RGS7: variants seen among roughly 807,000 people sequenced by gnomAD.
RGS7 encodes the protein regulator of G-protein signaling 7.
RGS7 carries 27 observed loss-of-function variants against 81.1 expected under a neutral mutation model. The observed-to-expected ratio is 0.33, with a 90% CI of 0.25 to 0.46. The LOEUF (loss-of-function observed/expected upper bound fraction) is 0.46. RGS7 is among the 20% of genes least tolerant of loss of function. The pLI, the probability that RGS7 is intolerant of heterozygous loss-of-function variation, is 1.00. For missense variants in RGS7, 396 were observed against 607.4 expected, an observed-to-expected ratio of 0.65 and a Z score of 3.66; for synonymous variants, 208 against 207.7, an observed-to-expected ratio of 1.00 and a Z score of -0.01.
intron 2 of RGS7, among the ~76,000 whole-genome samples, chr1:241,298,974 G>C (rs1325241280): frequency 6.6e-6 from 1 of 152,164 alleles, no homozygotes; most frequent in East Asian, 1.9e-4. Flanking sequence ...TGCTATGTCT[G>C]GAAACACATG....
chr1:240,897,390 C>T (rs12747032), intron 6 of RGS7, among the ~76,000 whole-genome samples: 19,441 of 152,156 alleles, frequency 0.13, 1,353 homozygotes, highest in Middle Eastern at 0.18. Flanking sequence ...CCAGTTTTTG[C>T]CCATTCAGTA....
chr1:240,807,935 T>G (rs1458623717), intron 14 of RGS7, among the ~76,000 whole-genome samples: 1 of 149,436 alleles, frequency 6.7e-6, no homozygotes, highest in African/African-American at 2.5e-5. Flanking sequence ...CTCGGGAGGC[T>G]GAGGCACGAG....
intron 3 of RGS7, among the ~76,000 whole-genome samples, chr1:241,092,719 C>T (rs917979388): frequency 1.3e-5 from 2 of 152,164 alleles, no homozygotes; most frequent in African/African-American, 4.8e-5. Flanking sequence ...GGGCAGATTC[C>T]GGGCAAAACC....
At chr1:241,234,617 A>G (rs1244347414) in intron 2 of RGS7, among the ~76,000 whole-genome samples, 2 of 151,938 alleles carry the variant, frequency 1.3e-5, no homozygotes, top group African/African-American at 4.8e-5. Flanking sequence ...ATAGGAGGGG[A>G]GCCTGGGTCT....
At chr1:241,029,768 C>T (rs914637474) in intron 3 of RGS7, among the ~76,000 whole-genome samples, 18 of 152,162 alleles carry the variant, frequency 1.2e-4, no homozygotes, top group Non-Finnish European at 2.4e-4. Context: ...CATCAGTACA[C>T]AAATATACAA....
chr1:240,945,727 A>G (rs1463852691), intron 4 of RGS7, among the ~76,000 whole-genome samples: 1 of 152,224 alleles, frequency 6.6e-6, no homozygotes, highest in African/African-American at 2.4e-5. Context: ...AAATGCTTGA[A>G]TTGAGAAAAG....
intron 6 of RGS7, among the ~76,000 whole-genome samples, chr1:240,922,591 G>A (rs1407687330): frequency 2.0e-5 from 3 of 151,962 alleles, no homozygotes; most frequent in Admixed American, 6.6e-5. Flanking sequence ...CAAAGAAGAC[G>A]AACACTTGGC....
chr1:240,915,655 A>G (rs538907896), intron 6 of RGS7, among the ~76,000 whole-genome samples: 2 of 152,308 alleles, frequency 1.3e-5, no homozygotes, highest in South Asian at 4.1e-4. Context: ...TGTATGCCTC[A>G]TTTATTTAGT....
chr1:240,925,151 G>A (rs1353974578), intron 6 of RGS7, among the ~76,000 whole-genome samples: 3 of 151,838 alleles, frequency 2.0e-5, no homozygotes, highest in Non-Finnish European at 4.4e-5. Flanking sequence ...AGATTCAGGG[G>A]GTACATGTGC....
intron 2 of RGS7, among the ~76,000 whole-genome samples, chr1:241,282,891 T>G (rs2148408511): frequency 6.6e-6 from 1 of 152,330 alleles, no homozygotes; most frequent in Admixed American, 6.5e-5. Flanking sequence ...GTGTATAAAA[T>G]TTCATTTTCC....
At chr1:241,064,449 A>G (rs986326102) in intron 3 of RGS7, among the ~76,000 whole-genome samples, 2 of 149,506 alleles carry the variant, frequency 1.3e-5, no homozygotes, top group Non-Finnish European at 3.0e-5. Context: ...AAAATCAGCC[A>G]GGCATGCTCA....
At chr1:240,859,185 A>C (rs897346828) in intron 9 of RGS7, among the ~76,000 whole-genome samples, 1 of 152,084 alleles carries the variant, frequency 6.6e-6, no homozygotes, top group Non-Finnish European at 1.5e-5. Context: ...TAAATTTTTG[A>C]GACAGGGTCT....
At chr1:241,037,798 G>A (rs903717822) in intron 3 of RGS7, among the ~76,000 whole-genome samples, 4 of 151,468 alleles carry the variant, frequency 2.6e-5, no homozygotes, top group African/African-American at 9.7e-5. Context: ...AAAACAGAAC[G>A]AAATAATGAC....
Position 240,998,744 on chromosome 1 carries a change from G to A in RGS7, c.176-15615C>T, listed in dbSNP as rs533718813. ...TCTCCGTGACGGTCACCTCATCATCGTGCGGAATGAGGGCCAGGTAGATGC... is the reference window on the plus strand; with the variant it reads ...TCTCCGTGACGGTCACCTCATCATCATGCGGAATGAGGGCCAGGTAGATGC... On this transcript the variant is annotated intron_variant, in intron 3 of 18. Transcript: ENST00000440928. 1,085 of 828,996 alleles carry A rather than the reference G, an allele frequency of 1.3e-3. 2 individuals carry two copies. The highest frequency in any genetic ancestry group is 1.8e-3 in the Non-Finnish European group (862 of 489,544). The allele number at this position is 828,996 out of a possible 1,614,324, so 51.4% of individuals were successfully genotyped here.
rs140614567 is a variant in RGS7, at chr1:241,315,803, T to C, written c.78+39896A>G. Among the ~76,000 whole-genome samples, 393 of 152,350 alleles carry C rather than the reference T, an allele frequency of 2.6e-3. 3 individuals carry two copies. The highest frequency in any genetic ancestry group is 9.2e-3 in the African/African-American group (384 of 41,596). ...ATCTTAGAGAAAAAGCTTTCAGTTT[T>C]TTACCATTGAGTGTGATGTCAGCTG... is the stretch of plus-strand genomic sequence containing the variant. On this transcript the variant is annotated intron_variant, in intron 2 of 18. Transcript: ENST00000440928.
chr1:241,281,380 T>C (rs1231213302), intron 2 of RGS7, among the ~76,000 whole-genome samples: 1 of 152,252 alleles, frequency 6.6e-6, no homozygotes, highest in Non-Finnish European at 1.5e-5. Context: ...AAACGCTCTT[T>C]GTCCCCACAC....
intron 4 of RGS7, among the ~76,000 whole-genome samples, chr1:240,938,973 C>G (rs1165644031): frequency 1.3e-5 from 2 of 152,226 alleles, no homozygotes; most frequent in East Asian, 3.9e-4. Flanking sequence ...GTGGAAAGAA[C>G]AAGAACTTTG....
intron 6 of RGS7, among the ~76,000 whole-genome samples, chr1:240,908,281 G>A (rs1385374547): frequency 2.0e-5 from 3 of 151,766 alleles, no homozygotes; most frequent in Admixed American, 6.6e-5. Flanking sequence ...GAACCAACAT[G>A]GCACATGTAT....
chr1:240,971,041 G>A (rs1683128845), intron 4 of RGS7, among the ~76,000 whole-genome samples: 1 of 152,076 alleles, frequency 6.6e-6, no homozygotes, highest in Non-Finnish European at 1.5e-5. Flanking sequence ...AATTTTGGTG[G>A]CTCTGCTGTA....
Sources: allele counts gnomAD v4.1 joint callset (sites outside exome capture counted in the v4.1 genomes callset), GRCh38; gene constraint gnomAD v4.1.1; transcripts MANE v1.5; gene names NCBI Gene and HGNC (gene_info 2026-07-23, HGNC 2026-07-21).